The following TLCD4 variants were observed in gnomAD, a reference collection of about 807,000 sequenced individuals.
TLCD4 encodes TLC domain-containing protein 4.
Under a neutral mutation model 24.2 loss-of-function variants are expected in TLCD4, and 7 were observed. The observed-to-expected ratio is 0.29, with a 90% CI of 0.16 to 0.54. The LOEUF (loss-of-function observed/expected upper bound fraction) is 0.54. Among genes scored for constraint, TLCD4 ranks in the 20% least tolerant of loss-of-function variants. The probability of loss-of-function intolerance (pLI) is 0.95; values close to 1 mark genes in which losing one functional copy is unlikely to be tolerated. For missense variants in TLCD4, 259 were observed against 313.9 expected, an observed-to-expected ratio of 0.82 and a Z score of 1.32; for synonymous variants, 103 against 106.4, an observed-to-expected ratio of 0.97 and a Z score of 0.20.
In TLCD4 at chr1:95,195,327, G is replaced by A. The variant is rs1193772995; in HGVS notation, c.*3459G>A. On this transcript the variant is annotated 3_prime_UTR_variant, in exon 7 of 7. Coordinates refer to ENST00000370203, the MANE Select transcript of TLCD4 (RefSeq NM_152487.3). ...GGGAAGGTGTTGTTACAGTGTACAT[G>A]TTTCCTCTGTGTCGTTTTTAAGGGA... The A allele has an allele frequency of 1.3e-5, 2 of 152,108 alleles. No individual in the cohort carries two copies. Among genetic ancestry groups the A allele is most frequent in the East Asian group, 1.9e-4 (1 of 5,194 alleles). The allele number at this position is 152,108 out of a possible 1,614,324, so 9.4% of individuals were successfully genotyped here.
chr1:95,105,409 T>A, the TLCD4 span, among the ~76,000 whole-genome samples: 1 of 152,224 alleles, frequency 6.6e-6, no homozygotes, highest in Non-Finnish European at 1.5e-5. Flanking sequence ...CTCAGAACAG[T>A]TGTGAGACTT....
chr1:95,124,102 A>G (rs1052592309), intron 1 of TLCD4, among the ~76,000 whole-genome samples: 4 of 152,250 alleles, frequency 2.6e-5, no homozygotes, highest in Non-Finnish European at 5.9e-5. Flanking sequence ...CACATTGACT[A>G]TAGTATCTTT....
At chr1:95,133,396 G>A (rs1053598696) in intron 1 of TLCD4, among the ~76,000 whole-genome samples, 30 of 136,478 alleles carry the variant, frequency 2.2e-4, no homozygotes, top group African/African-American at 8.7e-4. Flanking sequence ...AAAAAAAAAA[G>A]AGCCAATAGA....
At position 95,195,197 on chromosome 1, in the gene TLCD4, G is replaced by T. The variant is rs574009141; in HGVS notation, c.*3329G>T. 84 of 152,296 alleles carry T rather than the reference G, an allele frequency of 5.5e-4. No homozygotes were observed. Among genetic ancestry groups the T allele is most frequent in the African/African-American group, 1.9e-3 (80 of 41,566 alleles). 9.4% of individuals were successfully genotyped at this position (152,296 alleles called of 1,614,324 possible). On this transcript the variant is annotated 3_prime_UTR_variant, in exon 7 of 7. Coordinates refer to ENST00000370203, the MANE Select transcript of TLCD4 (RefSeq NM_152487.3). The stretch of plus-strand genomic sequence containing the variant: ...GTATATTTCCTCTGAGGCACACTGG[G>T]CATTTGGAGAATGGTTCTTCACTGG...
At chr1:95,190,318 G>GTTTCT (rs111246052) in intron 6 of TLCD4, among the ~76,000 whole-genome samples, 113 of 150,270 alleles carry the variant, frequency 7.5e-4, no homozygotes, top group South Asian at 3.2e-3. Context: ...GGCCACATTG[G>GTTTCT]TTTCTTTTCT....
the TLCD4 span, among the ~76,000 whole-genome samples, chr1:95,109,201 C>A: frequency 6.6e-6 from 1 of 151,952 alleles, no homozygotes; most frequent in Non-Finnish European, 1.5e-5. Context: ...GGTGGGTGTG[C>A]CTACAGTCCC....
At chr1:95,165,272 G>A (rs1395301261) in intron 5 of TLCD4, 1 of 152,076 alleles carries the variant, frequency 6.6e-6, no homozygotes, top group African/African-American at 2.4e-5. Context: ...CTATCTGGTG[G>A]TATCATTATC....
At chr1:95,140,832 A>G (rs1677180007) in intron 1 of TLCD4, 1 of 152,246 alleles carries the variant, frequency 6.6e-6, no homozygotes, top group African/African-American at 2.4e-5. Context: ...AGTAATGAGC[A>G]TCCTTTGGTT....
chr1:95,139,024 CAAA>C lies in TLCD4; in HGVS notation c.-11-4849_-11-4847del, dbSNP rs1181312045. Among the ~76,000 whole-genome samples the C allele has an allele frequency of 5.3e-5, 3 of 56,854 alleles. No individual in the cohort carries two copies. In the East Asian group the frequency reaches 1.6e-3, roughly 31 times the overall value. The allele number at this position is 56,854 out of a possible 152,430, so 37.3% of individuals were successfully genotyped here. On this transcript the variant is annotated intron_variant, in intron 1 of 6. Transcript: ENST00000370203. ...GCAACATAGTGAGACCCAGTCTCTA[CAAA>C]AAAAAAAAAAAAAAAAATGAGCTGG...
rs1449064464 is a variant in TLCD4 at position 95,195,749 on chromosome 1, A to G, written c.*3881A>G. On this transcript the variant is annotated 3_prime_UTR_variant, in exon 7 of 7. Coordinates refer to ENST00000370203, the MANE Select transcript of TLCD4 (RefSeq NM_152487.3). Reference sequence around the variant, plus strand: ...GATGCAAAACACATGTGAGGTGTGTAGGAACAATGAAAAGCTAGAGGATCT... The same window carrying G: ...GATGCAAAACACATGTGAGGTGTGTGGGAACAATGAAAAGCTAGAGGATCT... The G allele has an allele frequency of 6.6e-6, 1 of 152,212 alleles. No homozygotes were observed. The highest frequency in any genetic ancestry group is 1.5e-5 in the Non-Finnish European group (1 of 68,034). 9.4% of individuals were successfully genotyped at this position (152,212 alleles called of 1,614,324 possible).
intron 5 of TLCD4, among the ~76,000 whole-genome samples, chr1:95,162,831 C>T (rs977229988): frequency 2.6e-5 from 4 of 152,212 alleles, no homozygotes; most frequent in Non-Finnish European, 4.4e-5. Context: ...ACATTGGCCC[C>T]CACTCTGTTC....
chr1:95,186,781 C>A (rs980354513), intron 6 of TLCD4, among the ~76,000 whole-genome samples: 1 of 152,182 alleles, frequency 6.6e-6, no homozygotes, highest in African/African-American at 2.4e-5. Context: ...CCATTGCTAT[C>A]TAAATAGTCT....
At chr1:95,171,787 A>G (rs1678238119) in intron 5 of TLCD4, among the ~76,000 whole-genome samples, 1 of 152,228 alleles carries the variant, frequency 6.6e-6, no homozygotes, top group Non-Finnish European at 1.5e-5. Context: ...GCATTGTTAC[A>G]GTTTGAATTG....
At chr1:95,129,064 A>G (rs1182782118) in intron 1 of TLCD4, among the ~76,000 whole-genome samples, 1 of 152,182 alleles carries the variant, frequency 6.6e-6, no homozygotes, top group Non-Finnish European at 1.5e-5. Flanking sequence ...CTCCTTCCTA[A>G]TCTAATGTCT....
At chr1:95,143,098 A>C (rs1677250806) in intron 1 of TLCD4, among the ~76,000 whole-genome samples, 1 of 152,014 alleles carries the variant, frequency 6.6e-6, no homozygotes, top group Admixed American at 6.6e-5. Flanking sequence ...TCCTATGTAA[A>C]CGTCTGATTG....
At chr1:95,122,860 TTC>T (rs1044369486) in intron 1 of TLCD4, among the ~76,000 whole-genome samples, 2 of 152,230 alleles carry the variant, frequency 1.3e-5, no homozygotes, top group African/African-American at 4.8e-5. Flanking sequence ...AAAATTAAAC[TTC>T]TCTCTATATC....
Position 95,195,016 on chromosome 1 carries a change from C to G in TLCD4, c.*3148C>G, listed in dbSNP as rs935963319. ...TGAAATACTATTTATGTTGTTACCA[C>G]CCCTAAGAGTGACTCTGATATATTA... is the stretch of plus-strand genomic sequence containing the variant. On this transcript the variant is annotated 3_prime_UTR_variant, in exon 7 of 7. Transcript: ENST00000370203. 2 of 152,148 alleles carry G rather than the reference C, an allele frequency of 1.3e-5. No individual in the cohort carries two copies. Among genetic ancestry groups the G allele is most frequent in the Non-Finnish European group, 2.9e-5 (2 of 68,024 alleles). The allele number at this position is 152,148 out of a possible 1,614,324, so 9.4% of individuals were successfully genotyped here.
chr1:95,111,089 T>C, the TLCD4 span, among the ~76,000 whole-genome samples: 2 of 151,766 alleles, frequency 1.3e-5, no homozygotes, highest in African/African-American at 4.8e-5. Context: ...GCAAGGTATT[T>C]GAGACCAGCC....
At chr1:95,169,725 G>C (rs1678143595) in intron 5 of TLCD4, among the ~76,000 whole-genome samples, 1 of 151,954 alleles carries the variant, frequency 6.6e-6, no homozygotes, top group Non-Finnish European at 1.5e-5. Context: ...ACCTAGGCTG[G>C]TATGCAGTAG....
Sources: allele counts gnomAD v4.1 joint callset (sites outside exome capture counted in the v4.1 genomes callset), GRCh38; gene constraint gnomAD v4.1.1; transcripts MANE v1.5; gene names NCBI Gene and HGNC (gene_info 2026-07-23, HGNC 2026-07-21).